The following NUCB2 variants were observed in gnomAD, a reference collection of about 807,000 sequenced individuals.
The protein encoded by NUCB2 is nucleobindin-2.
NUCB2 carries 48 observed loss-of-function variants against 57.9 expected under a neutral mutation model. The observed-to-expected ratio is 0.83, with a 90% confidence interval of 0.66 to 1.05. NUCB2 has a LOEUF of 1.05. Among genes scored for constraint, NUCB2 ranks in the 50% least tolerant of loss-of-function variants. NUCB2 has a pLI of 0.00. For missense variants in NUCB2, 442 were observed against 476.2 expected, an observed-to-expected ratio of 0.93 and a Z score of 0.67; for synonymous variants, 139 against 152.1, an observed-to-expected ratio of 0.91 and a Z score of 0.64.
chr11:17,295,596 CT>C, intron 3 of NUCB2, 129 bp downstream of exon 3: 2 of 717,406 alleles, frequency 2.8e-6, no homozygotes, highest in Non-Finnish European at 4.7e-6. Context: ...AAAAATATTG[CT>C]AATATTTATT....
At chr11:17,316,423 A>G (rs867911414) in intron 11 of NUCB2, among the ~76,000 whole-genome samples, 2 of 152,214 alleles carry the variant, frequency 1.3e-5, no homozygotes, top group Non-Finnish European at 2.9e-5. Flanking sequence ...CCCAATATGC[A>G]GTTATATGGC....
At chr11:17,284,960 T>G (rs1247004729) in intron 2 of NUCB2, among the ~76,000 whole-genome samples, 2 of 152,194 alleles carry the variant, frequency 1.3e-5, no homozygotes, top group Admixed American at 1.3e-4. Context: ...GGTACCATAG[T>G]CATTACTTAA....
intron 11 of NUCB2, among the ~76,000 whole-genome samples, 159 bp from the exon 12 acceptor site, chr11:17,329,968 A>G (rs1951180069): frequency 6.6e-6 from 1 of 152,216 alleles, no homozygotes; most frequent in South Asian, 2.1e-4. Flanking sequence ...TCAAATGAGT[A>G]CATAAATATA....
chr11:17,315,458 G>C lies in NUCB2; in HGVS notation c.985G>C (p.Glu329Gln), dbSNP rs200987538. 122 of 1,608,100 alleles carry C rather than the reference G, an allele frequency of 7.6e-5. No individual in the cohort carries two copies. The highest frequency in any genetic ancestry group is 1.7e-4 in the Middle Eastern group (1 of 6,008). Residue 329 changes from glutamate to glutamine, a missense_variant, in exon 11 of 14, where the codon GAG becomes CAG. Physicochemically the swap from Glu to Gln is conservative, Grantham distance 29. Coordinates refer to ENST00000529010, the MANE Select transcript of NUCB2 (RefSeq NM_005013.4). Reference protein sequence around the residue: ...LKATEKKEFLEPDSWETLDQQ... With the variant: ...LKATEKKEFLQPDSWETLDQQ... ...AGCCACAGAAAAAAAAGAATTCTTG[G>C]AGCCAGATAGCTGGGAGGTAATAGA...
chr11:17,288,554 T>TC (rs201254658), intron 2 of NUCB2, among the ~76,000 whole-genome samples: 4 of 135,296 alleles, frequency 3.0e-5, no homozygotes, highest in African/African-American at 1.1e-4. Flanking sequence ...TTCTTCTTCT[T>TC]TTTTTTTTTT....
chr11:17,349,758 T>C (rs752935131), exon 3 of NUCB2: 19 of 152,232 alleles, frequency 1.2e-4, no homozygotes, highest in Non-Finnish European at 2.4e-4. Context: ...TGTCCCTGGA[T>C]ACATGTCTTT....
intron 11 of NUCB2, among the ~76,000 whole-genome samples, chr11:17,324,378 C>G (rs893993989): frequency 6.6e-6 from 1 of 151,940 alleles, no homozygotes; most frequent in Non-Finnish European, 1.5e-5. Flanking sequence ...CTCTTATTAT[C>G]GATTTGTAGT....
At chr11:17,285,702 C>CCACTG (rs1396147156) in intron 2 of NUCB2, among the ~76,000 whole-genome samples, 4 of 146,392 alleles carry the variant, frequency 2.7e-5, no homozygotes, top group Non-Finnish European at 4.5e-5. Context: ...CAAGATCGCG[C>CCACTG]CACTGCACTC....
chr11:17,311,169 C>CA, intron 7 of NUCB2, 24 bp from the exon 8 acceptor site: 1 of 1,562,452 alleles, frequency 6.4e-7, no homozygotes, highest in Non-Finnish European at 8.7e-7. Context: ...TTGTTTTGAG[C>CA]AATTTTTTAA....
chr11:17,301,745 G>A lies in NUCB2; in HGVS notation c.254G>A (p.Ser85Asn), dbSNP rs770222843. 6.8e-6 allele frequency: 11 copies of A among 1,606,744 alleles called. No homozygotes were observed. The highest frequency in any genetic ancestry group is 9.4e-6 in the Non-Finnish European group (11 of 1,173,798). Residue 85 changes from serine to asparagine, a missense_variant and splice_region_variant, in exon 5 of 14, where the codon AGT (serine) becomes AAT (asparagine). Physicochemically the swap from Ser to Asn is conservative, Grantham distance 46. Coordinates refer to ENST00000529010, the MANE Select transcript of NUCB2 (RefSeq NM_005013.4). The stretch of plus-strand genomic sequence containing the variant: ...CTAACTTACTAATTTTGTTAACAGA[G>A]TGGGAGGCTAAGCAAAGAACTGGAT... Reference protein sequence around the residue: ...LQKADIEEIKSGRLSKELDLV... With the variant: ...LQKADIEEIKNGRLSKELDLV...
intron 4 of NUCB2, among the ~76,000 whole-genome samples, chr11:17,300,406 G>A (rs909262418): frequency 5.9e-5 from 9 of 152,108 alleles, no homozygotes; most frequent in Admixed American, 3.3e-4. Flanking sequence ...AAAAGAAACT[G>A]TGTGCCCATT....
intron 2 of NUCB2, among the ~76,000 whole-genome samples, chr11:17,291,762 G>T (rs1217054879): frequency 1.3e-5 from 2 of 152,082 alleles, no homozygotes; most frequent in African/African-American, 2.4e-5. Flanking sequence ...TTTGATCAGA[G>T]AGGATAATGT....
At chr11:17,290,807 C>T (rs1944800670) in intron 2 of NUCB2, among the ~76,000 whole-genome samples, 1 of 151,922 alleles carries the variant, frequency 6.6e-6, no homozygotes, top group Non-Finnish European at 1.5e-5. Flanking sequence ...ATAAGCATGA[C>T]TAGTGTAGAA....
chr11:17,284,179 A>G (rs1403438380), intron 2 of NUCB2, among the ~76,000 whole-genome samples: 1 of 151,928 alleles, frequency 6.6e-6, no homozygotes, highest in Non-Finnish European at 1.5e-5. Flanking sequence ...CACCACACCC[A>G]ACTAATTTTT....
rs1951238608 is a variant in NUCB2 at position 17,330,353 on chromosome 11, A to G, written c.1173+56A>G. On this transcript the variant is annotated intron_variant, in intron 12 of 13. Coordinates refer to ENST00000529010, the MANE Select transcript of NUCB2 (RefSeq NM_005013.4). This position sits in a 1 kb window ranked among gnomAD's most constrained non-coding sequence, Gnocchi z 4.3. The stretch of plus-strand genomic sequence containing the variant: ...AAAAGATTTTAGGTGCTTTGTTAAA[A>G]GCCTGTGTTTTTGTAACATATTTCA... The G allele has an allele frequency of 7.3e-7, 1 of 1,366,570 alleles. No individual in the cohort carries two copies. 84.7% of individuals were successfully genotyped at this position (1,366,570 alleles called of 1,614,324 possible). A position where few individuals can be genotyped will look rare whatever the true frequency, so the allele number is the denominator to read the frequency against.
chr11:17,323,368 T>C (rs978402282), intron 11 of NUCB2, among the ~76,000 whole-genome samples: 2 of 150,254 alleles, frequency 1.3e-5, no homozygotes, highest in Admixed American at 6.6e-5. Context: ...TCTGTTGATA[T>C]ATCATATTGA....
rs775672738 is a variant in NUCB2 at position 17,331,982 on chromosome 11, T to C, written c.*563T>C. 7 of 152,214 alleles carry C rather than the reference T, an allele frequency of 4.6e-5. No homozygotes were observed. The East Asian group carries it at 1.3e-3, about 29-fold the overall frequency. 9.4% of individuals were successfully genotyped at this position (152,214 alleles called of 1,614,324 possible). A position where few individuals can be genotyped will look rare whatever the true frequency, so the allele number is the denominator to read the frequency against. On this transcript the variant is annotated 3_prime_UTR_variant, in exon 14 of 14. Coordinates refer to ENST00000529010, the MANE Select transcript of NUCB2 (RefSeq NM_005013.4). ...ACTTTTGCTACCACTTCAGGTCATT[T>C]TTCATTCTTTTTTATTTTGCTCTAT... is the stretch of plus-strand genomic sequence containing the variant.
intron 11 of NUCB2, among the ~76,000 whole-genome samples, chr11:17,321,239 A>C (rs575411466): frequency 6.8e-6 from 1 of 148,040 alleles, no homozygotes; most frequent in East Asian, 2.0e-4. Flanking sequence ...TATCCCCACC[A>C]CTCCCCAACT....
chr11:17,276,993 G>T (rs557887798), intron 1 of NUCB2, 165 bp downstream of exon 1: 5 of 152,448 alleles, frequency 3.3e-5, no homozygotes, highest in African/African-American at 1.2e-4. Context: ...CTCCCAGCGC[G>T]AGCCGGAGGC....
Sources: gnomAD v4.1 joint callset for allele counts (sites outside exome capture counted in the v4.1 genomes callset) on GRCh38, gnomAD v4.1.1 for gene constraint, Gnocchi (gnomAD v3.1) non-coding constraint, MANE v1.5 for transcripts, NCBI Gene and HGNC (gene_info 2026-07-23, HGNC 2026-07-21) for gene names.